XPO6: variants seen among roughly 807,000 people sequenced by gnomAD.
The protein encoded by XPO6 is exportin 6.
A neutral mutation model predicts 130.0 loss-of-function variants in XPO6; 3 were observed. That is an observed-to-expected ratio of 0.02 (90% CI 0.01 to 0.06). The LOEUF is 0.06. Ranked by LOEUF, XPO6 falls within the 10% of genes least tolerant of loss-of-function variation. The pLI, the probability that XPO6 is intolerant of heterozygous loss-of-function variation, is 1.00. For synonymous variants in XPO6, 524 were observed against 548.9 expected (o/e 0.95, Z 0.63); for missense variants, 970 against 1,393.0 (o/e 0.70, Z 4.83).
At chr16:28,116,628 A>G (rs1210178743) in intron 15 of XPO6, among the ~76,000 whole-genome samples, 8 of 152,186 alleles carry the variant, frequency 5.3e-5, no homozygotes, top group Admixed American at 5.2e-4. Flanking sequence ...TAGGGTTATT[A>G]AATGGCTCAG....
At chr16:28,193,724 A>T (rs772099845) in intron 1 of XPO6, among the ~76,000 whole-genome samples, 11 of 152,282 alleles carry the variant, frequency 7.2e-5, no homozygotes, top group Admixed American at 2.6e-4. Context: ...TGGAGAGAGA[A>T]GATGATAACT....
At chr16:28,167,800 T>C (rs752229842) in intron 5 of XPO6, among the ~76,000 whole-genome samples, 4 of 152,222 alleles carry the variant, frequency 2.6e-5, no homozygotes, top group African/African-American at 7.2e-5. Context: ...GAAAGCATTA[T>C]GTTAAGTGAA....
At chr16:28,116,604 C>T (rs1031688722) in intron 15 of XPO6, among the ~76,000 whole-genome samples, 3 of 151,928 alleles carry the variant, frequency 2.0e-5, no homozygotes, top group Non-Finnish European at 4.4e-5. Flanking sequence ...CACTCGAACA[C>T]GTAAAGGTCA....
intron 14 of XPO6, among the ~76,000 whole-genome samples, chr16:28,119,064 G>C (rs1399436165): frequency 2.0e-5 from 3 of 152,222 alleles, no homozygotes; most frequent in Non-Finnish European, 2.9e-5. Flanking sequence ...TGCCCAGGCA[G>C]GAGTGCAGTG....
At chr16:28,140,553 C>T (rs1007629195) in intron 9 of XPO6, among the ~76,000 whole-genome samples, 3 of 151,648 alleles carry the variant, frequency 2.0e-5, no homozygotes, top group Middle Eastern at 3.4e-3. Flanking sequence ...TGGTTTGTGC[C>T]TGTAATCCCA....
At chr16:28,119,739 G>A (rs2087179098) in intron 14 of XPO6, among the ~76,000 whole-genome samples, 1 of 152,170 alleles carries the variant, frequency 6.6e-6, no homozygotes. Flanking sequence ...ATTATTGTAT[G>A]TATTAAATTA....
chr16:28,135,869 T>C (rs2042765542), intron 9 of XPO6, among the ~76,000 whole-genome samples: 1 of 152,250 alleles, frequency 6.6e-6, no homozygotes, highest in Non-Finnish European at 1.5e-5. Flanking sequence ...CTATGACTTA[T>C]GTTCCTCAAT....
At chr16:28,109,433 C>T (rs1489466027) in intron 17 of XPO6, among the ~76,000 whole-genome samples, 1 of 151,788 alleles carries the variant, frequency 6.6e-6, no homozygotes, top group Non-Finnish European at 1.5e-5. Context: ...TGAGCAATTA[C>T]ACCTGCCAAG....
At chr16:28,198,632 T>C (rs2043905550) in intron 1 of XPO6, among the ~76,000 whole-genome samples, 2 of 150,830 alleles carry the variant, frequency 1.3e-5, no homozygotes, top group Non-Finnish European at 3.0e-5. Flanking sequence ...AGCGAGATCC[T>C]ATCCTGATAC....
At position 28,106,999 on chromosome 16, in the gene XPO6, G is replaced by A. The variant is rs1183996714; in HGVS notation, c.2498-502C>T. On this transcript the variant is annotated intron_variant, in intron 18 of 23. Transcript: ENST00000304658. This position sits in a 1 kb window ranked among gnomAD's most constrained non-coding sequence, Gnocchi z 4.2. ...GAAAATACTGGTTACATATAGGGCA[G>A]TTTCACTTCCAGATCTCAACAATCA... 4.6e-5 allele frequency among the ~76,000 whole-genome samples: 7 copies of A among 152,228 alleles called. No individual in the cohort carries two copies. The East Asian group carries it at 1.2e-3, about 25-fold the overall frequency.
intron 4 of XPO6, among the ~76,000 whole-genome samples, chr16:28,172,271 T>C (rs943525818): frequency 1.3e-5 from 2 of 152,238 alleles, no homozygotes; most frequent in Non-Finnish European, 2.9e-5. Context: ...TCTTCACATC[T>C]ATAATTTAAG....
rs766168576 is a variant in XPO6, at chr16:28,156,301, C to T, written c.870G>A (p.Ala290=). 10 of 1,614,080 alleles carry T rather than the reference C, an allele frequency of 6.2e-6. No individual in the cohort carries two copies. Among genetic ancestry groups the T allele is most frequent in the Middle Eastern group, 1.6e-4 (1 of 6,062 alleles). ...AGTTCTGGCTGCTGCCGTTAACTGA[C>T]GCCATCTTTCTGGCCCGGATGTCAC... is the stretch of plus-strand genomic sequence containing the variant. ...FGCDIRARKM[A]SVNGSSQNCV... is the part of the protein sequence containing the mutation. Residue 290 remains alanine, a synonymous_variant, in exon 7 of 24, where the codon GCG becomes GCA. Coordinates refer to ENST00000304658, the MANE Select transcript of XPO6 (RefSeq NM_015171.4).
intron 8 of XPO6, among the ~76,000 whole-genome samples, chr16:28,148,816 TG>T (rs2043030313): frequency 6.6e-6 from 1 of 151,912 alleles, no homozygotes. Flanking sequence ...CTGAGTCAAG[TG>T]GATCACCTAA....
chr16:28,150,133 C>A (rs1382343863), intron 8 of XPO6, among the ~76,000 whole-genome samples: 1 of 152,144 alleles, frequency 6.6e-6, no homozygotes, highest in Non-Finnish European at 1.5e-5. Context: ...AGGTTCCTGT[C>A]CCTCTACCTA....
intron 12 of XPO6, among the ~76,000 whole-genome samples, chr16:28,131,027 C>T (rs899560449): frequency 1.3e-5 from 2 of 152,092 alleles, no homozygotes; most frequent in Admixed American, 6.5e-5. Flanking sequence ...CACCTGGGCA[C>T]GATTATTCCC....
At position 28,111,786 on chromosome 16, in the gene XPO6, C is replaced by T; in HGVS notation, c.2341+31G>A. ...AAGAACAATGCCTGCCTACCTCCTT[C>T]CCCAGCTGTCCTAGCCTAGGGGTCA... On this transcript the variant is annotated intron_variant, in intron 17 of 23. Coordinates refer to ENST00000304658, the MANE Select transcript of XPO6 (RefSeq NM_015171.4). The T allele has an allele frequency of 2.5e-6, 4 of 1,606,328 alleles. No individual in the cohort carries two copies. The South Asian group carries it at 3.3e-5, about 13-fold the overall frequency.
chr16:28,183,696 T>C (rs1049869867), intron 1 of XPO6, among the ~76,000 whole-genome samples: 4 of 152,214 alleles, frequency 2.6e-5, no homozygotes, highest in African/African-American at 9.6e-5. Context: ...TGATCTCATT[T>C]TTATTTGGTC....
chr16:28,104,117 A>G (rs569284703), intron 21 of XPO6, among the ~76,000 whole-genome samples: 4 of 152,272 alleles, frequency 2.6e-5, no homozygotes, highest in African/African-American at 9.6e-5. Context: ...GCTCCCTCCC[A>G]GGGCAGTGTT....
chr16:28,170,652 C>T (rs2043434438), intron 4 of XPO6, among the ~76,000 whole-genome samples: 1 of 152,164 alleles, frequency 6.6e-6, no homozygotes, highest in African/African-American at 2.4e-5. Context: ...CAACTTTACA[C>T]TTCTAAACTT....
Sources: allele counts gnomAD v4.1 joint callset (sites outside exome capture counted in the v4.1 genomes callset), GRCh38; gene constraint gnomAD v4.1.1; non-coding constraint Gnocchi (gnomAD v3.1); transcripts MANE v1.5; gene names NCBI Gene and HGNC (gene_info 2026-07-23, HGNC 2026-07-21).